Variants in LINS1 observed in about 807,000 individuals in gnomAD.
LINS1 encodes protein Lines homolog 1.
Under a neutral mutation model 41.6 loss-of-function variants are expected in LINS1, and 27 were observed. The ratio of observed to expected loss-of-function variants is 0.65; its 90% CI spans 0.48 to 0.89. The LOEUF is 0.89. Among genes scored for constraint, LINS1 ranks in the 40% least tolerant of loss-of-function variants. The pLI is 0.00. For missense variants in LINS1, 955 were observed against 884.1 expected (o/e 1.08, Z -1.02); for synonymous variants, 336 against 312.9 (o/e 1.07, Z -0.78).
chr15:100,575,588 C>T (rs1314292146), intron 3 of LINS1, among the ~76,000 whole-genome samples: 1 of 152,130 alleles, frequency 6.6e-6, no homozygotes, highest in Admixed American at 6.5e-5. Flanking sequence ...GACTTTAACA[C>T]CCCACTGTCA....
intron 6 of LINS1, among the ~76,000 whole-genome samples, chr15:100,571,460 C>A (rs181235249): frequency 6.6e-6 from 1 of 152,294 alleles, no homozygotes; most frequent in East Asian, 1.9e-4. Context: ...AAGGTATCAG[C>A]CCAAATTCGA....
At chr15:100,593,295 G>A (rs2039115347) in intron 1 of LINS1, among the ~76,000 whole-genome samples, 1 of 152,100 alleles carries the variant, frequency 6.6e-6, no homozygotes, top group South Asian at 2.1e-4. Context: ...CTTGGCAGAG[G>A]AGCTGAAATC....
At chr15:100,578,986 G>C (rs1207825590) in intron 3 of LINS1, among the ~76,000 whole-genome samples, 1 of 140,740 alleles carries the variant, frequency 7.1e-6, no homozygotes, top group Non-Finnish European at 1.5e-5. Flanking sequence ...GACAACACTT[G>C]AACACAGGAA....
chr15:100,570,393 C>A (rs946626661), intron 6 of LINS1: 8 of 322,008 alleles, frequency 2.5e-5, no homozygotes, highest in Non-Finnish European at 4.1e-5. Flanking sequence ...CAGAACTCCT[C>A]ATTCTTATAG....
At chr15:100,576,397 C>G (rs552442592) in intron 3 of LINS1, among the ~76,000 whole-genome samples, 1 of 152,256 alleles carries the variant, frequency 6.6e-6, no homozygotes, top group African/African-American at 2.4e-5. Context: ...CTATAAATAC[C>G]TCTATGCAAA....
chr15:100,585,321 G>A (rs147796199), intron 1 of LINS1, among the ~76,000 whole-genome samples: 1,569 of 152,284 alleles, frequency 0.01, 31 homozygotes, highest in African/African-American at 0.036. Flanking sequence ...ACCTTCTCTC[G>A]CAGTTGCAAT....
intron 1 of LINS1, among the ~76,000 whole-genome samples, chr15:100,583,749 C>T (rs1236563857): frequency 6.6e-6 from 1 of 152,176 alleles, no homozygotes; most frequent in Non-Finnish European, 1.5e-5. Flanking sequence ...AGAGGTTTCC[C>T]ATTATGAACA....
rs1567088225 is a variant in LINS1, at chr15:100,580,297, A to T, written c.455T>A (p.Leu152His). The T allele has an allele frequency of 1.2e-6, 2 of 1,612,248 alleles. No individual in the cohort carries two copies. The highest frequency in any genetic ancestry group is 1.7e-6 in the Non-Finnish European group (2 of 1,178,572). Residue 152 changes from leucine to histidine, a missense_variant, in exon 3 of 7, where the codon CTT (leucine) becomes CAT (histidine). Physicochemically the swap from Leu to His is moderately conservative, Grantham distance 99. Coordinates refer to ENST00000314742, the MANE Select transcript of LINS1 (RefSeq NM_001040616.3). ...CAATTGGAAATATAGAAGCAATGCA[A>T]GGCACTGTGCAGCCATGTGAGATAA... is the stretch of plus-strand genomic sequence containing the variant. ...KLLSHMAAQC[L>H]ALLLYFQLRE...
At chr15:100,576,986 T>TA (rs1188182991) in intron 3 of LINS1, among the ~76,000 whole-genome samples, 1 of 152,120 alleles carries the variant, frequency 6.6e-6, no homozygotes, top group African/African-American at 2.4e-5. Context: ...CCCTTCATGC[T>TA]AAAAAACTCT....
chr15:100,600,791 C>T (rs2039457990), intron 1 of LINS1, among the ~76,000 whole-genome samples: 1 of 152,198 alleles, frequency 6.6e-6, no homozygotes. Context: ...TGCACTTCTA[C>T]TCTGGACAAC....
chr15:100,591,924 G>A (rs868868823), intron 1 of LINS1, among the ~76,000 whole-genome samples: 1 of 152,024 alleles, frequency 6.6e-6, no homozygotes, highest in African/African-American at 2.4e-5. Flanking sequence ...ACATCTTTCT[G>A]GGGGGAAATG....
Position 100,580,262 on chromosome 15 carries a change from C to T in LINS1, c.489+1G>A. 2 of 1,582,828 alleles carry T rather than the reference C, an allele frequency of 1.3e-6. No individual in the cohort carries two copies. Among genetic ancestry groups the T allele is most frequent in the East Asian group, 2.2e-5 (1 of 44,572 alleles). ...TAACATACTTTGATTACTTATCTTA[C>T]CTTTTCTCTCAATTGGAAATATAGA... On this transcript the variant is annotated splice_donor_variant, in intron 3 of 6. Transcript: ENST00000314742. LOFTEE classifies it high-confidence loss of function.
At position 100,575,004 on chromosome 15, in the gene LINS1, G is replaced by T; in HGVS notation, c.614C>A (p.Ser205Ter). 1 of 1,612,662 alleles carries T rather than the reference G, an allele frequency of 6.2e-7. No individual in the cohort carries two copies. The highest frequency in any genetic ancestry group is 8.5e-7 in the Non-Finnish European group (1 of 1,179,518). ...TAIIKEIFKD[S>*]CSQKTEILKQ... ...ATCCATACCTGTTTTCTGTGAACAT[G>T]AATCTTTAAAGATTTCTTTTATTAT... The change falls in exon 4 of 7, where the codon TCA becomes TAA. Residue 205 changes from serine (S) to a stop codon, truncating the protein, a stop_gained. Transcript: ENST00000314742. LOFTEE classifies it high-confidence loss of function.
chr15:100,577,206 G>T (rs2038237183), intron 3 of LINS1, among the ~76,000 whole-genome samples: 1 of 152,140 alleles, frequency 6.6e-6, no homozygotes, highest in South Asian at 2.1e-4. Context: ...GAAACAAAGG[G>T]TATTCAACTA....
rs1555434011 is a variant in LINS1, at chr15:100,587,182, A to AAAAG, written c.-103-6238_-103-6237insCTTT. 4.5e-3 allele frequency among the ~76,000 whole-genome samples: 562 copies of AAAAG among 124,422 alleles called. 73 individuals are homozygous for AAAAG. The highest frequency in any genetic ancestry group is 0.01 in the South Asian group (40 of 3,978). 81.6% of individuals were successfully genotyped at this position (124,422 alleles called of 152,430 possible). On this transcript the variant is annotated intron_variant, in intron 1 of 6. Coordinates refer to ENST00000314742, the MANE Select transcript of LINS1 (RefSeq NM_001040616.3). ...TAAAAAAAAAAAAAAAAAAAAAAAA[A>AAAAG]CATTAGCAGTTTGGCAATTCTTTAA...
intron 1 of LINS1, among the ~76,000 whole-genome samples, chr15:100,600,469 G>A (rs28465970): frequency 0.3 from 43,121 of 145,470 alleles, 6,381 homozygotes; most frequent in Middle Eastern, 0.34. Context: ...CTAAAACAAT[G>A]GCTTCCTATA....
Position 100,569,176 on chromosome 15 carries a change from C to A in LINS1, c.*62G>T. ...TTATGGTGATGATTTTATACTATTA[C>A]CTCATTGAGACATAATTTATATTAA... On this transcript the variant is annotated 3_prime_UTR_variant, in exon 7 of 7. Coordinates refer to ENST00000314742, the MANE Select transcript of LINS1 (RefSeq NM_001040616.3). 1.9e-6 allele frequency: 2 copies of A among 1,069,020 alleles called. No homozygotes were observed. The highest frequency in any genetic ancestry group is 2.8e-6 in the Non-Finnish European group (2 of 705,318). The allele number at this position is 1,069,020 out of a possible 1,614,324, so 66.2% of individuals were successfully genotyped here. A position where few individuals can be genotyped will look rare whatever the true frequency, so the allele number is the denominator to read the frequency against.
chr15:100,596,594 G>C (rs1188940068), intron 1 of LINS1, among the ~76,000 whole-genome samples: 2 of 152,226 alleles, frequency 1.3e-5, no homozygotes, highest in African/African-American at 4.8e-5. Context: ...GAGGGTAAGA[G>C]AGTCCTCGGC....
chr15:100,599,198 TTAAC>T (rs1596979118), intron 1 of LINS1, among the ~76,000 whole-genome samples: 2 of 152,258 alleles, frequency 1.3e-5, no homozygotes, highest in South Asian at 2.1e-4. Context: ...TTTTATATTA[TTAAC>T]TAAGTTAATG....
Sources: allele counts gnomAD v4.1 joint callset (sites outside exome capture counted in the v4.1 genomes callset), GRCh38; gene constraint gnomAD v4.1.1; transcripts MANE v1.5; gene names NCBI Gene and HGNC (gene_info 2026-07-23, HGNC 2026-07-21).